The following MIDEAS variants were observed in gnomAD, a reference collection of about 807,000 sequenced individuals.
The protein encoded by MIDEAS is mitotic deacetylase associated SANT domain protein.
MIDEAS carries 26 observed loss-of-function variants against 102.7 expected under a neutral mutation model. That is an observed-to-expected ratio of 0.25 (90% CI 0.19 to 0.35). The LOEUF is 0.35. Ranked by LOEUF, MIDEAS falls within the 10% of genes least tolerant of loss-of-function variation. MIDEAS has a pLI of 1.00. For missense variants in MIDEAS, 1,231 were observed against 1,435.6 expected (o/e 0.86, Z 2.30); for synonymous variants, 585 against 591.0 (o/e 0.99, Z 0.15).
chr14:73,752,069 C>A (rs1416341308), intron 1 of MIDEAS, among the ~76,000 whole-genome samples: 2 of 152,174 alleles, frequency 1.3e-5, no homozygotes, highest in Non-Finnish European at 2.9e-5. Flanking sequence ...GCCACAGCCA[C>A]CCATATCTCC....
upstream of MIDEAS, among the ~76,000 whole-genome samples, chr14:73,761,565 G>T (rs2053554719): frequency 6.6e-6 from 1 of 152,176 alleles, no homozygotes; most frequent in South Asian, 2.1e-4. Context: ...CAAAATACAG[G>T]TAATTATGCC....
chr14:73,727,409 A>G (rs1399348621), intron 5 of MIDEAS, 49 bp downstream of exon 5: 1 of 1,585,508 alleles, frequency 6.3e-7, no homozygotes, highest in Admixed American at 1.7e-5. Flanking sequence ...CACACACTGC[A>G]CCAGTGTGGC....
intron 11 of MIDEAS, 143 bp from the exon 12 acceptor site, chr14:73,719,644 G>T: frequency 2.6e-6 from 2 of 759,692 alleles, no homozygotes; most frequent in South Asian, 1.8e-5. Context: ...TCCTTCCAGG[G>T]ATATGACGAC....
At position 73,739,597 on chromosome 14, in the gene MIDEAS, T is replaced by G; in HGVS notation, c.412A>C (p.Ser138Arg). ...TTGGTTGCACTGTAGAGGGACAGAC[T>G]GTGGCAGTTCCATGTTGAATGGGGT... The part of the protein sequence containing the change: ...PPPHSTWNCH[S>R]LSLYSATKGS... The change falls in exon 2 of 13, where the codon AGT becomes CGT. Residue 138 changes from serine (S) to arginine (R), a missense_variant. Physicochemically the swap from Ser to Arg is moderately radical, Grantham distance 110. Around this residue, in one of 5 missense-constraint regions of MIDEAS, gnomAD observed 758 missense variants for 856.0 expected, o/e 0.89. Coordinates refer to ENST00000423556, the MANE Select transcript of MIDEAS (RefSeq NM_001367710.1). 1 of 1,614,090 alleles carries G rather than the reference T, an allele frequency of 6.2e-7. No homozygotes were observed. The highest frequency in any genetic ancestry group is 8.5e-7 in the Non-Finnish European group (1 of 1,179,986).
chr14:73,772,289 A>C (rs2053648588), intron 1 of MIDEAS, among the ~76,000 whole-genome samples: 1 of 152,280 alleles, frequency 6.6e-6, no homozygotes, highest in Non-Finnish European at 1.5e-5. Flanking sequence ...TAAATAAAAA[A>C]AAGATGTTAT....
chr14:73,725,435 A>T lies in MIDEAS; in HGVS notation c.2486-75T>A, dbSNP rs79894910. ...ACTGCAGGGCAATTTTGACAAGCAAAAAAGTGTGAGGCCATCCGCCCATGG... is the reference window on the plus strand; with the variant it reads ...ACTGCAGGGCAATTTTGACAAGCAATAAAGTGTGAGGCCATCCGCCCATGG... On this transcript the variant is annotated intron_variant, in intron 8 of 12. Transcript: ENST00000423556. The surrounding 1 kb of genome is among the most constrained non-coding windows in gnomAD (Gnocchi z 4.1). 9.4e-3 allele frequency: 11,876 copies of T among 1,268,202 alleles called. 92 individuals are homozygous for T. The highest frequency in any genetic ancestry group is 0.013 in the Middle Eastern group (57 of 4,442). 78.6% of individuals were successfully genotyped at this position (1,268,202 alleles called of 1,614,324 possible).
At position 73,737,075 on chromosome 14, in the gene MIDEAS, G is replaced by A. The variant is rs2053210407; in HGVS notation, c.1672C>T (p.Pro558Ser). ...ATGACTGATGGCTTGTGCTCAGCAGGGTTCTGTTCAGGACCCTTCCCGTCC... is the reference window on the plus strand; with the variant it reads ...ATGACTGATGGCTTGTGCTCAGCAGAGTTCTGTTCAGGACCCTTCCCGTCC... ...DEDGKGPEQN[P>S]AEHKPSVIVT... Residue 558 changes from proline (P) to serine (S), a missense_variant, in exon 3 of 13, where the codon CCT (proline) becomes TCT (serine). By Grantham distance (74) the Pro-to-Ser change is moderately conservative. This residue lies in a region of MIDEAS where 758 missense variants were observed against 856.0 expected (regional missense o/e 0.89). Coordinates refer to ENST00000423556, the MANE Select transcript of MIDEAS (RefSeq NM_001367710.1). 2 of 1,614,032 alleles carry A rather than the reference G, an allele frequency of 1.2e-6. No individual in the cohort carries two copies. The highest frequency in any genetic ancestry group is 1.1e-5 in the South Asian group (1 of 91,080).
At chr14:73,743,548 C>T (rs2053309753) in intron 1 of MIDEAS, among the ~76,000 whole-genome samples, 1 of 152,144 alleles carries the variant, frequency 6.6e-6, no homozygotes, top group African/African-American at 2.4e-5. Flanking sequence ...CAGCCTGCAA[C>T]TCGGGGTCAG....
intron 1 of MIDEAS, among the ~76,000 whole-genome samples, chr14:73,786,706 A>G (rs2053813001): frequency 2.0e-5 from 3 of 152,228 alleles, no homozygotes; most frequent in Admixed American, 2.0e-4. Context: ...AGGGCTGCGA[A>G]GAGGAAGAGG....
At chr14:73,756,492 C>T (rs1194397190) in intron 1 of MIDEAS, among the ~76,000 whole-genome samples, 2 of 152,182 alleles carry the variant, frequency 1.3e-5, no homozygotes, top group Non-Finnish European at 2.9e-5. Context: ...CACCCTAGCC[C>T]CGGCCCAGCA....
chr14:73,726,100 C>T lies in MIDEAS; in HGVS notation c.2418G>A (p.Leu806=). Residue 806 remains leucine (L), a synonymous_variant, in exon 8 of 13, where the codon CTG becomes CTA. Transcript: ENST00000423556. ...HESRGDILET[L]NKLLLKKPLR... ...GGGGCTTCTTCAGCAGCAGCTTATT[C>T]AGCGTTTCCTGGAGGGGAAGTGAGG... 6.3e-7 allele frequency: 1 copy of T among 1,592,044 alleles called. No homozygotes were observed. Among genetic ancestry groups the T allele is most frequent in the South Asian group, 1.1e-5 (1 of 87,292 alleles).
At chr14:73,740,334 G>T in intron 1 of MIDEAS, 79 bp from the exon 2 acceptor site, 1 of 399,416 alleles carries the variant, frequency 2.5e-6, no homozygotes, top group Admixed American at 4.4e-5. Flanking sequence ...GTAAGAAAAG[G>T]GGCTCCAAGG....
intron 1 of MIDEAS, among the ~76,000 whole-genome samples, chr14:73,778,376 A>G (rs1385036679): frequency 6.6e-6 from 1 of 151,230 alleles, no homozygotes; most frequent in African/African-American, 2.4e-5. Flanking sequence ...AAAAAAAAAA[A>G]CGTGATGGGG....
At chr14:73,769,723 T>A (rs1424509494) in intron 1 of MIDEAS, among the ~76,000 whole-genome samples, 1 of 152,022 alleles carries the variant, frequency 6.6e-6, no homozygotes, top group Non-Finnish European at 1.5e-5. Flanking sequence ...TGCCTCAGCC[T>A]CCCGAGTAAC....
At chr14:73,726,804 C>T in intron 6 of MIDEAS, 26 bp downstream of exon 6, 1 of 1,605,926 alleles carries the variant, frequency 6.2e-7, no homozygotes, top group African/African-American at 1.3e-5. Flanking sequence ...CCTGCCCTCA[C>T]TTGCTGCCCC....
chr14:73,737,006 G>C lies in MIDEAS; in HGVS notation c.1741C>G (p.Gln581Glu), dbSNP rs1478801792. ...RSTRIPGTDAQAQAEDMNVKL... is the reference protein window; with the variant it reads ...RSTRIPGTDAEAQAEDMNVKL... ...AGGGGCGCCTCTCATACCTGAGCTTGAGCATCTGTCCCGGGGATTCGGGTG... is the reference window on the plus strand; with the variant it reads ...AGGGGCGCCTCTCATACCTGAGCTTCAGCATCTGTCCCGGGGATTCGGGTG... The change falls in exon 3 of 13, where the codon CAA becomes GAA. Residue 581 changes from glutamine to glutamate, a missense_variant. Gln to Glu is a conservative substitution (Grantham distance 29, BLOSUM62 2). Around this residue, in one of 5 missense-constraint regions of MIDEAS, gnomAD observed 758 missense variants for 856.0 expected, o/e 0.89. Coordinates refer to ENST00000423556, the MANE Select transcript of MIDEAS (RefSeq NM_001367710.1). 2.5e-6 allele frequency: 4 copies of C among 1,611,520 alleles called. No individual in the cohort carries two copies. Among genetic ancestry groups the C allele is most frequent in the South Asian group, 1.1e-5 (1 of 91,018 alleles).
chr14:73,774,434 G>T (rs1485269955), intron 1 of MIDEAS, among the ~76,000 whole-genome samples: 1 of 151,898 alleles, frequency 6.6e-6, no homozygotes, highest in Non-Finnish European at 1.5e-5. Flanking sequence ...TGCTACTATG[G>T]TCTGCAGACT....
Position 73,725,105 on chromosome 14 carries a change from A to T in MIDEAS, c.2574+167T>A, listed in dbSNP as rs1203286103. On this transcript the variant is annotated intron_variant, in intron 9 of 12. Transcript: ENST00000423556. The surrounding 1 kb of genome is among the most constrained non-coding windows in gnomAD (Gnocchi z 4.1). ...GATGCTTAGAACCAAAAGGGAAAAG[A>T]GACCTATCTTTCTCTTTCTTGTATT... 1 of 627,150 alleles carries T rather than the reference A, an allele frequency of 1.6e-6. No individual in the cohort carries two copies. The allele number at this position is 627,150 out of a possible 1,614,324, so 38.8% of individuals were successfully genotyped here. A position where few individuals can be genotyped will look rare whatever the true frequency, so the allele number is the denominator to read the frequency against.
chr14:73,745,975 CAG>C (rs1333447751), intron 1 of MIDEAS, among the ~76,000 whole-genome samples: 2 of 152,182 alleles, frequency 1.3e-5, no homozygotes, highest in Non-Finnish European at 2.9e-5. Flanking sequence ...GCCAACAGGC[CAG>C]AGAGTCACGA....
Sources: allele counts gnomAD v4.1 joint callset (sites outside exome capture counted in the v4.1 genomes callset), GRCh38; gene constraint gnomAD v4.1.1; regional missense constraint gnomAD v4.1.1; non-coding constraint Gnocchi (gnomAD v3.1); transcripts MANE v1.5; gene names NCBI Gene and HGNC (gene_info 2026-07-23, HGNC 2026-07-21).